UBE2D1: variants seen among roughly 807,000 people sequenced by gnomAD.
UBE2D1 encodes the protein ubiquitin-conjugating enzyme E2 D1.
A neutral mutation model predicts 24.6 loss-of-function variants in UBE2D1; 9 were observed. The ratio of observed to expected loss-of-function variants is 0.37; its 90% CI spans 0.22 to 0.64. UBE2D1 has a LOEUF of 0.64. Ranked by LOEUF, UBE2D1 falls within the 30% of genes least tolerant of loss-of-function variation. UBE2D1 has a pLI of 0.64. For missense variants in UBE2D1, 87 were observed against 177.1 expected, an observed-to-expected ratio of 0.49 and a Z score of 2.89; for synonymous variants, 57 against 57.6, an observed-to-expected ratio of 0.99 and a Z score of 0.04.
chr10:58,368,512 A>T (rs561581934), intron 6 of UBE2D1: 1 of 354,326 alleles, frequency 2.8e-6, no homozygotes, highest in Non-Finnish European at 5.1e-6. Context: ...ATACATTTTC[A>T]TATAGGTTGC....
intron 5 of UBE2D1, among the ~76,000 whole-genome samples, chr10:58,365,368 A>C (rs918934846): frequency 6.6e-6 from 1 of 152,222 alleles, no homozygotes; most frequent in African/African-American, 2.4e-5. Context: ...CCATTCATTA[A>C]ATGGAAATGT....
chr10:58,360,761 A>T (rs1362943679), intron 1 of UBE2D1, among the ~76,000 whole-genome samples: 1 of 152,070 alleles, frequency 6.6e-6, no homozygotes, highest in African/African-American at 2.4e-5. Flanking sequence ...CTCTACAAAT[A>T]AAATTAGCCG....
At chr10:58,342,323 A>T (rs1839969538) in intron 1 of UBE2D1, among the ~76,000 whole-genome samples, 1 of 152,046 alleles carries the variant, frequency 6.6e-6, no homozygotes, top group Non-Finnish European at 1.5e-5. Flanking sequence ...GTGACACCAC[A>T]GTTCTTATTT....
chr10:58,364,947 G>A, intron 5 of UBE2D1, 71 bp downstream of exon 5: 1 of 1,235,060 alleles, frequency 8.1e-7, no homozygotes, highest in Non-Finnish European at 1.2e-6. Context: ...AATTACCTAT[G>A]GACTAAAGTT....
intron 1 of UBE2D1, among the ~76,000 whole-genome samples, chr10:58,339,758 CT>C (rs59588627): frequency 0.024 from 3,377 of 142,402 alleles, 50 homozygotes; most frequent in Middle Eastern, 0.086. Flanking sequence ...TTCCACATTC[CT>C]TTTTTTTTTT....
intron 1 of UBE2D1, among the ~76,000 whole-genome samples, chr10:58,347,116 C>T (rs980281431): frequency 6.6e-6 from 1 of 152,178 alleles, no homozygotes; most frequent in African/African-American, 2.4e-5. Context: ...TTATCCTAAA[C>T]TACCTCTCCT....
intron 5 of UBE2D1, among the ~76,000 whole-genome samples, 186 bp from the exon 6 acceptor site, chr10:58,367,737 T>G (rs768406468): frequency 1.3e-5 from 2 of 152,174 alleles, no homozygotes; most frequent in Admixed American, 6.5e-5. Context: ...TATGGTAATT[T>G]TATAACTTTA....
At chr10:58,345,001 T>A (rs2132317473) in intron 1 of UBE2D1, among the ~76,000 whole-genome samples, 1 of 151,876 alleles carries the variant, frequency 6.6e-6, no homozygotes, top group Non-Finnish European at 1.5e-5. Context: ...AGTAGCTGGG[T>A]CTACAGGTGT....
rs1187997901 is a variant in UBE2D1 at position 58,368,885 on chromosome 10, C to G, written c.*120C>G. ...TACCATGAAACCATTTGATTTTTAC[C>G]CATTTTAAATGTGTTTCTGAAGCAA... On this transcript the variant is annotated 3_prime_UTR_variant, in exon 7 of 7. Coordinates refer to ENST00000373910, the MANE Select transcript of UBE2D1 (RefSeq NM_003338.5). 1 of 574,936 alleles carries G rather than the reference C, an allele frequency of 1.7e-6. No homozygotes were observed. Among genetic ancestry groups the G allele is most frequent in the Non-Finnish European group, 2.7e-6 (1 of 367,312 alleles). The allele number at this position is 574,936 out of a possible 1,614,324, so 35.6% of individuals were successfully genotyped here. A position where few individuals can be genotyped will look rare whatever the true frequency, so the allele number is the denominator to read the frequency against.
At position 58,363,669 on chromosome 10, in the gene UBE2D1, C is replaced by G. The variant is rs1275878982; in HGVS notation, c.181C>G (p.Pro61Ala). 6.2e-7 allele frequency: 1 copy of G among 1,610,478 alleles called. No homozygotes were observed. The highest frequency in any genetic ancestry group is 8.5e-7 in the Non-Finnish European group (1 of 1,178,216). Residue 61 changes from proline (P) to alanine (A), a missense_variant, in exon 4 of 7, where the codon CCT becomes GCT. Transcript: ENST00000373910. ...CACTGTACATTTTCCGACAGATTAT[C>G]CTTTTAAACCACCAAAGGTATTTTT... ...FLTVHFPTDY[P>A]FKPPKIAFTT...
intron 4 of UBE2D1, among the ~76,000 whole-genome samples, chr10:58,363,887 C>T (rs902223355): frequency 1.3e-5 from 2 of 152,104 alleles, no homozygotes; most frequent in Admixed American, 6.5e-5. Context: ...AAACAAAAGT[C>T]AGTACGTGTC....
At chr10:58,336,381 A>G (rs2132310813) in intron 1 of UBE2D1, among the ~76,000 whole-genome samples, 1 of 152,326 alleles carries the variant, frequency 6.6e-6, no homozygotes, top group African/African-American at 2.4e-5. Flanking sequence ...CATTATAGCA[A>G]TAGTATATGT....
intron 6 of UBE2D1, chr10:58,368,377 C>T (rs937061500): frequency 1.6e-5 from 4 of 251,486 alleles, no homozygotes; most frequent in Non-Finnish European, 3.0e-5. Context: ...ACCTAATTCT[C>T]AAGCTGCTTC....
At chr10:58,349,039 A>T (rs957880566) in intron 1 of UBE2D1, among the ~76,000 whole-genome samples, 19 of 152,158 alleles carry the variant, frequency 1.2e-4, no homozygotes, top group African/African-American at 4.3e-4. Flanking sequence ...ACCTTTCAGT[A>T]CTTTTCTTTG....
intron 5 of UBE2D1, among the ~76,000 whole-genome samples, chr10:58,365,542 A>G (rs947467188): frequency 6.6e-5 from 10 of 152,206 alleles, no homozygotes; most frequent in African/African-American, 2.4e-4. Flanking sequence ...CATTATAGTG[A>G]CTGACACAAG....
At chr10:58,341,046 A>G (rs909721735) in intron 1 of UBE2D1, among the ~76,000 whole-genome samples, 3 of 152,226 alleles carry the variant, frequency 2.0e-5, no homozygotes, top group South Asian at 2.1e-4. Context: ...CTCTGCTCCA[A>G]AGTAACACAT....
At chr10:58,336,616 A>G (rs1243352385) in intron 1 of UBE2D1, among the ~76,000 whole-genome samples, 1 of 152,224 alleles carries the variant, frequency 6.6e-6, no homozygotes, top group Non-Finnish European at 1.5e-5. Flanking sequence ...TCTTGTTTGA[A>G]GGTAGCGCAA....
chr10:58,347,056 G>C (rs542564422), intron 1 of UBE2D1, among the ~76,000 whole-genome samples: 1 of 152,122 alleles, frequency 6.6e-6, no homozygotes, highest in East Asian at 1.9e-4. Flanking sequence ...CTGTTATCCA[G>C]TCTGGTCCCA....
intron 1 of UBE2D1, among the ~76,000 whole-genome samples, chr10:58,348,249 G>C (rs1454091823): frequency 6.6e-6 from 1 of 152,144 alleles, no homozygotes; most frequent in Non-Finnish European, 1.5e-5. Context: ...GCTTAAAGAG[G>C]TTCTGTATTT....
Sources: allele counts gnomAD v4.1 joint callset (sites outside exome capture counted in the v4.1 genomes callset), GRCh38; gene constraint gnomAD v4.1.1; transcripts MANE v1.5; gene names NCBI Gene and HGNC (gene_info 2026-07-23, HGNC 2026-07-21).